BAZ1B: variants seen among roughly 807,000 people sequenced by gnomAD.
The protein encoded by BAZ1B is bromodomain adjacent to zinc finger domain 1B, also known as tyrosine-protein kinase BAZ1B.
BAZ1B carries 22 observed loss-of-function variants against 153.8 expected under a neutral mutation model. The ratio of observed to expected loss-of-function variants is 0.14; its 90% CI spans 0.10 to 0.20. The LOEUF (loss-of-function observed/expected upper bound fraction) is 0.20. BAZ1B is among the 10% of genes least tolerant of loss of function. The probability of loss-of-function intolerance (pLI) is 1.00; values close to 1 mark genes in which losing one functional copy is unlikely to be tolerated. For synonymous variants in BAZ1B, 676 were observed against 633.4 expected, an observed-to-expected ratio of 1.07 and a Z score of -1.01; for missense variants, 1,325 against 1,799.3, an observed-to-expected ratio of 0.74 and a Z score of 4.77.
intron 9 of BAZ1B, among the ~76,000 whole-genome samples, chr7:73,466,621 T>C (rs1472364707): frequency 6.6e-6 from 1 of 152,220 alleles, no homozygotes; most frequent in African/African-American, 2.4e-5. Context: ...GTGGAATCGT[T>C]ACACAGTTCC....
intron 5 of BAZ1B, among the ~76,000 whole-genome samples, 200 bp downstream of exon 5, chr7:73,492,600 G>GA (rs1478625758): frequency 1.3e-5 from 2 of 152,164 alleles, no homozygotes; most frequent in Non-Finnish European, 2.9e-5. Context: ...TAAGAAAGAG[G>GA]AAAAGCATGG....
At chr7:73,482,660 T>C (rs1554573851) in intron 6 of BAZ1B, among the ~76,000 whole-genome samples, 1 of 152,180 alleles carries the variant, frequency 6.6e-6, no homozygotes, top group African/African-American at 2.4e-5. Flanking sequence ...TACATGAGGT[T>C]CTTTAAACTT....
chr7:73,470,628 G>C, intron 7 of BAZ1B, 145 bp from the exon 8 acceptor site: 1 of 982,468 alleles, frequency 1.0e-6, no homozygotes, highest in East Asian at 2.6e-5. Context: ...TCTGTTACAA[G>C]AAATTACATG....
At position 73,508,393 on chromosome 7, in the gene BAZ1B, C is replaced by A. The variant is rs1554578106; in HGVS notation, c.303G>T (p.Lys101Asn). 1 of 1,614,092 alleles carries A rather than the reference C, an allele frequency of 6.2e-7. No individual in the cohort carries two copies. Among genetic ancestry groups the A allele is most frequent in the Admixed American group, 1.7e-5 (1 of 60,002 alleles). The change falls in exon 3 of 20, where the codon AAG (lysine) becomes AAT (asparagine). Residue 101 changes from lysine (K) to asparagine (N), a missense_variant. By Grantham distance (94) the Lys-to-Asn change is moderately conservative (BLOSUM62 0). Coordinates refer to ENST00000339594, the MANE Select transcript of BAZ1B (RefSeq NM_032408.4). Reference protein sequence around the residue: ...MVHHNTASLEKLVDTAWLEIM... With the variant: ...MVHHNTASLENLVDTAWLEIM... The stretch of plus-strand genomic sequence containing the variant: ...TCTCCAACCAAGCAGTATCTACTAA[C>A]TTCTCTAAGGAGGCTGTGTTATGGT...
At position 73,502,367 on chromosome 7, in the gene BAZ1B, T is replaced by TA. The variant is rs201207689; in HGVS notation, c.370-3670dup. 7.2e-3 allele frequency among the ~76,000 whole-genome samples: 1,096 copies of TA among 151,824 alleles called. 7 individuals are homozygous for TA. Among genetic ancestry groups the TA allele is most frequent in the African/African-American group, 0.025 (1,029 of 41,446 alleles). ...TGTCCATCATATCTACTTTTTTTTT[T>TA]ATCACACTTAGAGTGCAAAACATTT... On this transcript the variant is annotated intron_variant, in intron 3 of 19. Transcript: ENST00000339594.
intron 1 of BAZ1B, among the ~76,000 whole-genome samples, chr7:73,516,632 A>G (rs1320332868): frequency 1.3e-5 from 2 of 151,638 alleles, no homozygotes; most frequent in African/African-American, 4.8e-5. Context: ...AAAAATAGCC[A>G]GGCATGGTGG....
intron 7 of BAZ1B, among the ~76,000 whole-genome samples, chr7:73,473,814 A>G (rs1339918515): frequency 6.6e-6 from 1 of 152,154 alleles, no homozygotes; most frequent in Non-Finnish European, 1.5e-5. Flanking sequence ...TAATAAAAAG[A>G]TTAGCCAGGC....
At chr7:73,509,906 C>T (rs1554578340) in intron 2 of BAZ1B, among the ~76,000 whole-genome samples, 1 of 151,090 alleles carries the variant, frequency 6.6e-6, no homozygotes, top group Non-Finnish European at 1.5e-5. Flanking sequence ...ATGAGCAGGT[C>T]GCTTGAGGTC....
chr7:73,521,881 C>T lies in BAZ1B; in HGVS notation c.53G>A (p.Gly18Glu), dbSNP rs1554580298. 4 of 1,505,256 alleles carry T rather than the reference C, an allele frequency of 2.7e-6. No individual in the cohort carries two copies. Among genetic ancestry groups the T allele is most frequent in the Non-Finnish European group, 3.6e-6 (4 of 1,123,092 alleles). 93.2% of individuals were successfully genotyped at this position (1,505,256 alleles called of 1,614,324 possible). The change falls in exon 1 of 20, where the codon GGA (glycine) becomes GAA (glutamate). Residue 18 changes from glycine to glutamate, a missense_variant. Physicochemically the swap from Gly to Glu is moderately conservative, Grantham distance 98. Around this residue, in one of 9 missense-constraint regions of BAZ1B, gnomAD observed 61 missense variants for 61.5 expected, o/e 0.99. Coordinates refer to ENST00000339594, the MANE Select transcript of BAZ1B (RefSeq NM_032408.4). ...CGGGATGGTGAAGAGCGGCTCCTCTCCGGGCAACGGCTTCACCAGCGGGAA... is the reference window on the plus strand; with the variant it reads ...CGGGATGGTGAAGAGCGGCTCCTCTTCGGGCAACGGCTTCACCAGCGGGAA... ...KPFPLVKPLP[G>E]EEPLFTIPHT...
rs35317820 is a variant in BAZ1B, at chr7:73,462,033, C to T, written c.3249+889G>A. ...CCTCCTGCCTTAGCCTCCCAAAGTG[C>T]TGGGATTATAGGCGTGAGCCAACAT... On this transcript the variant is annotated intron_variant, in intron 12 of 19. Coordinates refer to ENST00000339594, the MANE Select transcript of BAZ1B (RefSeq NM_032408.4). Among the ~76,000 whole-genome samples, 3 of 152,320 alleles carry T rather than the reference C, an allele frequency of 2.0e-5. No homozygotes were observed. In the East Asian group the frequency reaches 5.8e-4, roughly 29 times the overall value.
intron 6 of BAZ1B, among the ~76,000 whole-genome samples, chr7:73,488,932 T>G (rs1789527191): frequency 6.6e-6 from 1 of 152,154 alleles, no homozygotes; most frequent in African/African-American, 2.4e-5. Context: ...AAAAAGGGTC[T>G]GAGGCACAAA....
At position 73,442,837 on chromosome 7, in the gene BAZ1B, A is replaced by G. The variant is rs782179436; in HGVS notation, c.3991-9T>C. 11 of 1,605,924 alleles carry G rather than the reference A, an allele frequency of 6.8e-6. No homozygotes were observed. In the Admixed American group the frequency reaches 8.4e-5, roughly 12 times the overall value. On this transcript the variant is annotated splice_polypyrimidine_tract_variant and intron_variant, in intron 17 of 19. Coordinates refer to ENST00000339594, the MANE Select transcript of BAZ1B (RefSeq NM_032408.4). The stretch of plus-strand genomic sequence containing the variant: ...CGCTTGGTCTGAAGCACCTGGCAGG[A>G]AAGAAAGAACAATGTTATTACAGAT...
Position 73,477,169 on chromosome 7 carries a change from G to A in BAZ1B, c.2292C>T (p.Asp764=), listed in dbSNP as rs1789028926. The change falls in exon 7 of 20, where the codon GAC becomes GAT. Residue 764 remains aspartate, a synonymous_variant. Transcript: ENST00000339594. This position sits in a 1 kb window ranked among gnomAD's most constrained non-coding sequence, Gnocchi z 5.6. Reference sequence around the variant, plus strand: ...ACATCTGCTGTCTGGTCTCCATGTGGTCTTGCACTGAGTATGTCATGAGGA... The same window carrying A: ...ACATCTGCTGTCTGGTCTCCATGTGATCTTGCACTGAGTATGTCATGAGGA... The part of the protein sequence containing the change: ...HRILMTYSVQ[D]HMETRQQMSA... 6.2e-7 allele frequency: 1 copy of A among 1,614,042 alleles called. No homozygotes were observed. Among genetic ancestry groups the A allele is most frequent in the South Asian group, 1.1e-5 (1 of 91,090 alleles).
chr7:73,499,440 A>G (rs1232265985), intron 3 of BAZ1B, among the ~76,000 whole-genome samples: 1 of 152,166 alleles, frequency 6.6e-6, no homozygotes, highest in Non-Finnish European at 1.5e-5. Context: ...ATCAAAAATC[A>G]ACTGTGTAGG....
chr7:73,474,028 C>G (rs1788909737), intron 7 of BAZ1B, among the ~76,000 whole-genome samples: 2 of 152,116 alleles, frequency 1.3e-5, no homozygotes, highest in South Asian at 2.1e-4. Flanking sequence ...TTCCCTATTC[C>G]GAAACTTACT....
chr7:73,448,297 T>C (rs1463800242), intron 15 of BAZ1B, among the ~76,000 whole-genome samples: 9 of 152,166 alleles, frequency 5.9e-5, no homozygotes, highest in African/African-American at 2.2e-4. Context: ...AGAGCGAAAC[T>C]CCGTCTCAAA....
At chr7:73,514,244 G>C (rs370174067) in intron 1 of BAZ1B, among the ~76,000 whole-genome samples, 1 of 152,044 alleles carries the variant, frequency 6.6e-6, no homozygotes, top group Admixed American at 6.6e-5. Context: ...AAAAAAGTAG[G>C]GGCCGGCCAG....
At chr7:73,490,699 T>C (rs1789603576) in intron 5 of BAZ1B, among the ~76,000 whole-genome samples, 1 of 151,500 alleles carries the variant, frequency 6.6e-6, no homozygotes. Context: ...TCCGCCTCCC[T>C]GGTTCAAGCT....
At chr7:73,491,398 G>A (rs1044526777) in intron 5 of BAZ1B, among the ~76,000 whole-genome samples, 5 of 152,066 alleles carry the variant, frequency 3.3e-5, no homozygotes, top group Admixed American at 6.6e-5. Context: ...TCAGGAGTTC[G>A]AGATCAGCCT....
Sources: gnomAD v4.1 joint callset for allele counts (sites outside exome capture counted in the v4.1 genomes callset) on GRCh38, gnomAD v4.1.1 for gene constraint, gnomAD v4.1.1 regional missense constraint, Gnocchi (gnomAD v3.1) non-coding constraint, MANE v1.5 for transcripts, NCBI Gene and HGNC (gene_info 2026-07-23, HGNC 2026-07-21) for gene names.